Variants in BLTP1 observed in about 807,000 individuals in gnomAD.
The protein encoded by BLTP1 is fragile site-associated protein.
At chr4:122,276,672 C>T in the BLTP1 span, 4 of 932,734 alleles carry the variant, frequency 4.3e-6, no homozygotes, top group Non-Finnish European at 5.1e-6. Flanking sequence ...ATTCAAAATT[C>T]AGTAAGTAGC....
At chr4:122,329,358 T>A in the BLTP1 span, among the ~76,000 whole-genome samples, 1,096 of 151,792 alleles carry the variant, frequency 7.2e-3, 9 homozygotes, top group South Asian at 0.031. Flanking sequence ...GTGACTTAAG[T>A]TTTTTTGATA....
chr4:122,221,375 A>G, the BLTP1 span, among the ~76,000 whole-genome samples: 2 of 152,172 alleles, frequency 1.3e-5, no homozygotes, highest in African/African-American at 2.4e-5. Context: ...TTGTTTTGCC[A>G]CAGAATGTGT....
the BLTP1 span, chr4:122,190,381 C>T: frequency 1.0e-6 from 1 of 962,066 alleles, no homozygotes. Flanking sequence ...TAGTCATGAG[C>T]CCATGGTGCC....
the BLTP1 span, chr4:122,258,823 G>A: frequency 1.2e-6 from 2 of 1,610,890 alleles, no homozygotes; most frequent in Non-Finnish European, 1.7e-6. Context: ...TACCCATAGT[G>A]ACTCTGCATT....
chr4:122,297,394 T>G, the BLTP1 span, among the ~76,000 whole-genome samples: 105 of 152,086 alleles, frequency 6.9e-4, 1 homozygote, highest in Admixed American at 2.0e-3. Flanking sequence ...TATTAAAAAG[T>G]CAAGAAACAA....
At chr4:122,311,298 A>G in the BLTP1 span, among the ~76,000 whole-genome samples, 1 of 152,160 alleles carries the variant, frequency 6.6e-6, no homozygotes, top group Admixed American at 6.6e-5. Context: ...GATACTCAGA[A>G]TAATTTATTT....
the BLTP1 span, chr4:122,362,504 T>A: frequency 4.5e-5 from 10 of 224,582 alleles, no homozygotes; most frequent in Middle Eastern, 1.6e-3. Context: ...TAATGTGCAA[T>A]ACAATTCCTG....
the BLTP1 span, among the ~76,000 whole-genome samples, chr4:122,290,585 A>G: frequency 0.028 from 4,275 of 151,738 alleles, 134 homozygotes; most frequent in African/African-American, 0.08. Context: ...CAGGAGGTCA[A>G]AACCATCCTG....
chr4:122,246,758 T>C, the BLTP1 span: 2 of 1,613,182 alleles, frequency 1.2e-6, no homozygotes, highest in Middle Eastern at 3.3e-4. Flanking sequence ...GACTCATGTT[T>C]CCCTAGTGGC....
chr4:122,205,905 A>G, the BLTP1 span: 3 of 982,168 alleles, frequency 3.1e-6, no homozygotes, highest in Non-Finnish European at 3.6e-6. Context: ...CCTTTTATTG[A>G]AAGACATTGC....
chr4:122,344,555 A>G, the BLTP1 span: 1 of 1,587,426 alleles, frequency 6.3e-7, no homozygotes, highest in South Asian at 1.1e-5. Flanking sequence ...GTTAATAAAT[A>G]TATCTGGTAC....
the BLTP1 span, among the ~76,000 whole-genome samples, chr4:122,299,468 A>G: frequency 1.3e-5 from 2 of 152,208 alleles, no homozygotes; most frequent in Non-Finnish European, 2.9e-5. Flanking sequence ...AAGCAGAGAC[A>G]GTAGTAGTTT....
chr4:122,335,255 A>C, the BLTP1 span, among the ~76,000 whole-genome samples: 8 of 152,006 alleles, frequency 5.3e-5, no homozygotes, highest in African/African-American at 1.9e-4. Context: ...AAGCTGCATT[A>C]TCTCTTATGG....
the BLTP1 span, chr4:122,227,089 A>T: frequency 1.8e-6 from 1 of 569,620 alleles, no homozygotes; most frequent in Non-Finnish European, 2.4e-6. Flanking sequence ...TTTTACTGTT[A>T]ACATTCATGT....
chr4:122,256,921 T>C, the BLTP1 span: 1 of 193,800 alleles, frequency 5.2e-6, no homozygotes, highest in South Asian at 1.8e-4. Flanking sequence ...TTTTGATTCT[T>C]CACTTGGGCA....
the BLTP1 span, among the ~76,000 whole-genome samples, chr4:122,265,578 TAAAG>T: frequency 6.6e-6 from 1 of 152,152 alleles, no homozygotes; most frequent in Non-Finnish European, 1.5e-5. Flanking sequence ...TAGAGTCAGT[TAAAG>T]AGAGAGCTGT....
At chr4:122,193,662 T>G in the BLTP1 span, 3 of 882,624 alleles carry the variant, frequency 3.4e-6, no homozygotes, top group Non-Finnish European at 4.1e-6. Context: ...ATTAGTTAAA[T>G]TAGTTTAGTT....
At chr4:122,200,832 A>G in the BLTP1 span, 1 of 770,206 alleles carries the variant, frequency 1.3e-6, no homozygotes, top group African/African-American at 1.9e-5. Flanking sequence ...AGCTAGATGT[A>G]GCCATGGATA....
chr4:122,231,707 C>G, the BLTP1 span: 1 of 973,190 alleles, frequency 1.0e-6, no homozygotes, highest in Non-Finnish European at 1.2e-6. Flanking sequence ...AAACTCGAAT[C>G]CCTCTGGATT....
Sources: allele counts gnomAD v4.1 joint callset (sites outside exome capture counted in the v4.1 genomes callset), GRCh38; gene constraint gnomAD v4.1.1; transcripts MANE v1.5; gene names NCBI Gene and HGNC (gene_info 2026-07-23, HGNC 2026-07-21).